The following GFM1 variants were observed in gnomAD, a reference collection of about 807,000 sequenced individuals.
GFM1 encodes elongation factor G, mitochondrial.
Under a neutral mutation model 96.2 loss-of-function variants are expected in GFM1, and 62 were observed. The ratio of observed to expected loss-of-function variants is 0.64; its 90% CI spans 0.53 to 0.80. GFM1 has a LOEUF of 0.80. GFM1 is among the 30% of genes least tolerant of loss of function. The probability of loss-of-function intolerance (pLI) is 0.00; values close to 1 mark genes in which losing one functional copy is unlikely to be tolerated. For missense variants in GFM1, 852 were observed against 916.6 expected, an observed-to-expected ratio of 0.93 and a Z score of 0.91; for synonymous variants, 282 against 312.9, an observed-to-expected ratio of 0.90 and a Z score of 1.04.
In GFM1 at chr3:158,682,068, C is replaced by G. The variant is rs1173043785; in HGVS notation, c.1675C>G (p.Leu559Val). 12 of 1,613,500 alleles carry G rather than the reference C, an allele frequency of 7.4e-6. No individual in the cohort carries two copies. Among genetic ancestry groups the G allele is most frequent in the Non-Finnish European group, 9.3e-6 (11 of 1,179,666 alleles). The change falls in exon 14 of 18, where the codon CTG (leucine) becomes GTG (valine). Residue 559 changes from leucine (L) to valine (V), a missense_variant. Leu to Val is a conservative substitution (Grantham distance 32). Coordinates refer to ENST00000486715, the MANE Select transcript of GFM1 (RefSeq NM_024996.7). ...AAAAGTAATAGGTGTCCTGGAGCCT[C>G]TGGACCCAGAGGACTACACTAAATT... Reference protein sequence around the residue: ...YGKVIGVLEPLDPEDYTKLEF... With the variant: ...YGKVIGVLEPVDPEDYTKLEF...
Position 158,676,935 on chromosome 3 carries a change from A to T in GFM1, c.1602-5060A>T, listed in dbSNP as rs188733386. ...GGCTGGTCTCGAACTCCTGACCTCA[A>T]GTGATCCACCCGCCTCGGCTTCCCA... On this transcript the variant is annotated intron_variant, in intron 13 of 17. Coordinates refer to ENST00000486715, the MANE Select transcript of GFM1 (RefSeq NM_024996.7). Among the ~76,000 whole-genome samples the T allele has an allele frequency of 5.8e-3, 887 of 152,150 alleles. 9 individuals carry two copies. The highest frequency in any genetic ancestry group is 8.1e-3 in the Non-Finnish European group (548 of 67,980).
chr3:158,657,559 T>G (rs1722868680), intron 8 of GFM1: 1 of 152,218 alleles, frequency 6.6e-6, no homozygotes, highest in Non-Finnish European at 1.5e-5. Context: ...TATGTCAGTC[T>G]TTCTGTTTAG....
At chr3:158,655,105 G>T (rs948053315) in intron 8 of GFM1, among the ~76,000 whole-genome samples, 1 of 152,086 alleles carries the variant, frequency 6.6e-6, no homozygotes, top group African/African-American at 2.4e-5. Flanking sequence ...GAAGGGTAGC[G>T]AATTAATGTT....
At chr3:158,674,364 A>G (rs1449828500) in intron 13 of GFM1, among the ~76,000 whole-genome samples, 4 of 152,026 alleles carry the variant, frequency 2.6e-5, no homozygotes, top group African/African-American at 9.7e-5. Context: ...TGGCCTCTCC[A>G]CGTTTCTTAG....
chr3:158,666,968 T>A (rs1057446374), intron 13 of GFM1: 2 of 1,570,426 alleles, frequency 1.3e-6, no homozygotes, highest in African/African-American at 1.4e-5. Flanking sequence ...ACAAGGAGTC[T>A]CAGTTTTCAG....
chr3:158,671,108 A>AG (rs1161849695), intron 13 of GFM1: 1 of 1,331,298 alleles, frequency 7.5e-7, no homozygotes, highest in African/African-American at 1.5e-5. Context: ...ATTTGGTTGG[A>AG]GGGGCTGGCT....
chr3:158,684,422 C>A (rs2108102077), intron 14 of GFM1, 102 bp from the exon 15 acceptor site: 2 of 1,151,212 alleles, frequency 1.7e-6, no homozygotes, highest in African/African-American at 1.5e-5. Flanking sequence ...ATACAGCACA[C>A]ATAAAAACGT....
intron 4 of GFM1, among the ~76,000 whole-genome samples, chr3:158,647,281 CA>C (rs1721897373): frequency 1.3e-5 from 2 of 152,162 alleles, no homozygotes. Context: ...TTTATTTAGA[CA>C]AAAGATCATC....
intron 10 of GFM1, among the ~76,000 whole-genome samples, chr3:158,661,350 G>T (rs574679531): frequency 2.6e-5 from 4 of 152,276 alleles, no homozygotes; most frequent in Admixed American, 2.6e-4. Context: ...CATCAAGCTA[G>T]TTTCAGTGGA....
chr3:158,664,873 T>C (rs760216678), intron 11 of GFM1, among the ~76,000 whole-genome samples: 12 of 152,146 alleles, frequency 7.9e-5, no homozygotes, highest in Admixed American at 2.0e-4. Context: ...TCCAAGCAGA[T>C]TGTTTTGAAA....
intron 9 of GFM1, among the ~76,000 whole-genome samples, chr3:158,659,270 T>A (rs1260135391): frequency 6.6e-6 from 1 of 152,164 alleles, no homozygotes; most frequent in Non-Finnish European, 1.5e-5. Context: ...CCGCTAGTTG[T>A]GAATTAGCTA....
rs1203829094 is a variant in GFM1 at position 158,665,457 on chromosome 3, C to T, written c.1501C>T (p.Leu501=). Residue 501 remains leucine (L), a synonymous_variant, in exon 12 of 18, where the codon CTG becomes TTG. Coordinates refer to ENST00000486715, the MANE Select transcript of GFM1 (RefSeq NM_024996.7). ...TVISGMGELH[L]EIYAQRLERE... The stretch of plus-strand genomic sequence containing the variant: ...TATATCTGGAATGGGAGAATTACAC[C>T]TGGAAATCTATGCTCAGGTAATGAA... 2 of 1,609,764 alleles carry T rather than the reference C, an allele frequency of 1.2e-6. No homozygotes were observed. Among genetic ancestry groups the T allele is most frequent in the East Asian group, 2.2e-5 (1 of 44,788 alleles).
intron 13 of GFM1, among the ~76,000 whole-genome samples, chr3:158,678,690 CATT>C (rs1351538437): frequency 4.1e-5 from 5 of 122,346 alleles, no homozygotes; most frequent in Non-Finnish European, 8.5e-5. Flanking sequence ...ACGCTGCAAA[CATT>C]GTTATTACAA....
Position 158,644,540 on chromosome 3 carries a change from T to C in GFM1, c.-95T>C, listed in dbSNP as rs1295761389. The C allele has an allele frequency of 2.1e-6, 2 of 974,326 alleles. No individual in the cohort carries two copies. The allele number at this position is 974,326 out of a possible 1,614,324, so 60.4% of individuals were successfully genotyped here. A position where few individuals can be genotyped will look rare whatever the true frequency, so the allele number is the denominator to read the frequency against. On this transcript the variant is annotated 5_prime_UTR_variant, in exon 1 of 18. Transcript: ENST00000486715. ...TGCCCCGGAAGTGCTCTTACAACAT[T>C]GGCTGCCGGCGTGACTTTGACCGCT...
At chr3:158,650,358 T>C (rs1250549169) in intron 5 of GFM1, 7 of 296,814 alleles carry the variant, frequency 2.4e-5, no homozygotes, top group Admixed American at 1.3e-4. Context: ...CTCAAAAATA[T>C]TTGTAAATGA....
At chr3:158,648,667 G>A (rs1342389984) in intron 4 of GFM1, among the ~76,000 whole-genome samples, 4 of 131,800 alleles carry the variant, frequency 3.0e-5, no homozygotes, top group African/African-American at 1.2e-4. Context: ...AACAGGGCGA[G>A]ACTCTTGTCT....
Position 158,646,168 on chromosome 3 carries a change from A to G in GFM1, c.238A>G (p.Lys80Glu), listed in dbSNP as rs863224029. ...GAATTGCTGTGCTTGTGTTTAGGTGAAAGGTAAAGATGGAGTTGGTGCTGT... is the reference window on the plus strand; with the variant it reads ...GAATTGCTGTGCTTGTGTTTAGGTGGAAGGTAAAGATGGAGTTGGTGCTGT... ...TGRIAKMHEV[K>E]GKDGVGAVMD... is the part of the protein sequence containing the mutation. The change falls in exon 3 of 18, where the codon AAA becomes GAA. Residue 80 changes from lysine to glutamate, a missense_variant. Coordinates refer to ENST00000486715, the MANE Select transcript of GFM1 (RefSeq NM_024996.7). 4 of 1,614,186 alleles carry G rather than the reference A, an allele frequency of 2.5e-6. No individual in the cohort carries two copies. The highest frequency in any genetic ancestry group is 3.4e-6 in the Non-Finnish European group (4 of 1,180,004).
chr3:158,689,077 A>G (rs137862945), intron 15 of GFM1, among the ~76,000 whole-genome samples: 29 of 152,356 alleles, frequency 1.9e-4, no homozygotes, highest in African/African-American at 6.5e-4. Flanking sequence ...GAGATAATGT[A>G]ACAAACCTGA....
In GFM1 at chr3:158,660,942, A is replaced by G. The variant is rs758385498; in HGVS notation, c.1290A>G (p.Thr430=). The G allele has an allele frequency of 6.2e-6, 10 of 1,613,984 alleles. No homozygotes were observed. The South Asian group carries it at 1.1e-4, about 18-fold the overall frequency. ...LFGIDCASGD[T]FTDKANSGLS... is the part of the protein sequence containing the mutation. Reference sequence around the variant, plus strand: ...GCATTGACTGTGCTAGTGGAGACACATTCACAGACAAAGCCAACAGCGGCC... The same window carrying G: ...GCATTGACTGTGCTAGTGGAGACACGTTCACAGACAAAGCCAACAGCGGCC... The change falls in exon 10 of 18, where the codon ACA becomes ACG. Residue 430 remains threonine (T), a synonymous_variant. Coordinates refer to ENST00000486715, the MANE Select transcript of GFM1 (RefSeq NM_024996.7).
Sources: allele counts gnomAD v4.1 joint callset (sites outside exome capture counted in the v4.1 genomes callset), GRCh38; gene constraint gnomAD v4.1.1; transcripts MANE v1.5; gene names NCBI Gene and HGNC (gene_info 2026-07-23, HGNC 2026-07-21).